The following EYS variants were observed in gnomAD, a reference collection of about 807,000 sequenced individuals.
EYS encodes EGF-like photoreceptor maintenance factor, also known as protein eyes shut homolog.
In EYS, 250 loss-of-function variants were observed where a neutral mutation model predicts 282.1. The observed-to-expected ratio is 0.89, with a 90% CI of 0.80 to 0.98. The LOEUF (loss-of-function observed/expected upper bound fraction) is 0.98. Among genes scored for constraint, EYS ranks in the 50% least tolerant of loss-of-function variants. EYS has a pLI of 0.00. For missense variants in EYS, 4,016 were observed against 3,709.0 expected, an observed-to-expected ratio of 1.08 and a Z score of -2.15; for synonymous variants, 1,355 against 1,282.9, an observed-to-expected ratio of 1.06 and a Z score of -1.20.
chr6:64,999,533 GACGGC>G (rs925455823), intron 13 of EYS, among the ~76,000 whole-genome samples: 5 of 152,162 alleles, frequency 3.3e-5, no homozygotes, highest in African/African-American at 1.2e-4. Flanking sequence ...TCTACGTGAG[GACGGC>G]ACTCCTGCCT....
chr6:64,036,643 T>A (rs1426635319), intron 33 of EYS, among the ~76,000 whole-genome samples: 1 of 152,120 alleles, frequency 6.6e-6, no homozygotes, highest in East Asian at 1.9e-4. Context: ...AAAAGGATAG[T>A]TTGAGTTACT....
chr6:64,800,100 C>T (rs546408078), intron 22 of EYS, among the ~76,000 whole-genome samples: 31 of 152,018 alleles, frequency 2.0e-4, no homozygotes, highest in Non-Finnish European at 3.2e-4. Context: ...AAAGAGAAAT[C>T]AAAATCATGC....
At chr6:64,330,941 T>C (rs944507985) in intron 29 of EYS, among the ~76,000 whole-genome samples, 2 of 152,116 alleles carry the variant, frequency 1.3e-5, no homozygotes, top group Non-Finnish European at 2.9e-5. Flanking sequence ...AAACAGTGGA[T>C]GAGGTTTTCT....
At chr6:64,165,756 C>T (rs549199445) in intron 31 of EYS, among the ~76,000 whole-genome samples, 1 of 152,248 alleles carries the variant, frequency 6.6e-6, no homozygotes, top group East Asian at 1.9e-4. Context: ...TCATGGACTT[C>T]CATAAGGCTT....
rs988303785 is a variant in EYS, at chr6:65,581,753, C to A, written c.-333+58025G>T. ...AGTCCCATTAGTAAATAATGAAAAT[C>A]ATTTATAAAAATGACAAATAAATAT... On this transcript the variant is annotated intron_variant, in intron 2 of 42. Coordinates refer to ENST00000503581, the MANE Select transcript of EYS (RefSeq NM_001142800.2). Among the ~76,000 whole-genome samples the A allele has an allele frequency of 2.0e-5, 3 of 152,026 alleles. No homozygotes were observed. In the South Asian group the frequency reaches 6.2e-4, roughly 32 times the overall value.
chr6:64,614,529 CAAT>C (rs2149846984), intron 24 of EYS, among the ~76,000 whole-genome samples: 1 of 152,162 alleles, frequency 6.6e-6, no homozygotes, highest in African/African-American at 2.4e-5. Flanking sequence ...ACAACCTTAA[CAAT>C]GATGACCAAA....
chr6:64,295,661 G>A (rs938898161), intron 30 of EYS, among the ~76,000 whole-genome samples: 3 of 148,026 alleles, frequency 2.0e-5, no homozygotes, highest in African/African-American at 5.0e-5. Flanking sequence ...CCGAGAAGGC[G>A]GAGCTTGCAG....
At chr6:63,926,420 T>A (rs1764717137) in intron 35 of EYS, among the ~76,000 whole-genome samples, 1 of 152,228 alleles carries the variant, frequency 6.6e-6, no homozygotes, top group African/African-American at 2.4e-5. Flanking sequence ...AAGTTAAACA[T>A]TAATACCACT....
intron 5 of EYS, among the ~76,000 whole-genome samples, chr6:65,441,655 G>A (rs1768333291): frequency 6.6e-6 from 1 of 151,980 alleles, no homozygotes; most frequent in African/African-American, 2.4e-5. Context: ...ATTTAAATGT[G>A]CTAAGGAAAT....
chr6:65,616,598 C>T (rs978554024), intron 2 of EYS, among the ~76,000 whole-genome samples: 2 of 151,900 alleles, frequency 1.3e-5, no homozygotes, highest in Non-Finnish European at 2.9e-5. Context: ...CCATCCTGGC[C>T]AAAATGGTGA....
intron 26 of EYS, among the ~76,000 whole-genome samples, chr6:64,589,678 C>A (rs541634235): frequency 6.6e-6 from 1 of 151,962 alleles, no homozygotes; most frequent in South Asian, 2.1e-4. Flanking sequence ...TTGCATAGTG[C>A]TTTTGTTAAA....
At chr6:65,122,875 C>G (rs1039468059) in intron 12 of EYS, among the ~76,000 whole-genome samples, 1 of 151,968 alleles carries the variant, frequency 6.6e-6, no homozygotes, top group Non-Finnish European at 1.5e-5. Flanking sequence ...TGCAACAACA[C>G]GTTGAGTTCA....
intron 22 of EYS, among the ~76,000 whole-genome samples, chr6:64,671,720 T>C (rs1769467782): frequency 6.6e-6 from 1 of 152,080 alleles, no homozygotes; most frequent in South Asian, 2.1e-4. Flanking sequence ...TTGTGTATTA[T>C]AATAGAATTT....
intron 32 of EYS, among the ~76,000 whole-genome samples, chr6:64,070,781 A>G (rs1771544015): frequency 6.6e-6 from 1 of 152,062 alleles, no homozygotes; most frequent in Non-Finnish European, 1.5e-5. Flanking sequence ...CATTTTTTTA[A>G]GTGTCCATTT....
intron 22 of EYS, among the ~76,000 whole-genome samples, chr6:64,809,230 A>G (rs1764523255): frequency 6.6e-6 from 1 of 152,150 alleles, no homozygotes; most frequent in Non-Finnish European, 1.5e-5. Context: ...CACTGAGTCA[A>G]CTTAATTCTG....
At chr6:64,841,968 C>A (rs1765576581) in intron 19 of EYS, among the ~76,000 whole-genome samples, 1 of 151,932 alleles carries the variant, frequency 6.6e-6, no homozygotes, top group Non-Finnish European at 1.5e-5. Flanking sequence ...GTCAATAAGC[C>A]CAATTTCTTC....
chr6:64,686,196 A>C (rs1770093907), intron 22 of EYS, among the ~76,000 whole-genome samples: 1 of 152,012 alleles, frequency 6.6e-6, no homozygotes, highest in South Asian at 2.1e-4. Context: ...TTTAAAGTTA[A>C]TGACCTAAAT....
intron 22 of EYS, among the ~76,000 whole-genome samples, chr6:64,676,588 G>C (rs1769693820): frequency 6.6e-6 from 1 of 151,908 alleles, no homozygotes; most frequent in Non-Finnish European, 1.5e-5. Flanking sequence ...TTAACATTTT[G>C]CCATACATTT....
At chr6:64,593,522 T>C (rs936387120) in intron 24 of EYS, among the ~76,000 whole-genome samples, 1 of 152,158 alleles carries the variant, frequency 6.6e-6, no homozygotes, top group Non-Finnish European at 1.5e-5. Flanking sequence ...CACAGTTGCA[T>C]GCCCAAATTT....
Sources: allele counts gnomAD v4.1 joint callset (sites outside exome capture counted in the v4.1 genomes callset), GRCh38; gene constraint gnomAD v4.1.1; transcripts MANE v1.5; gene names NCBI Gene and HGNC (gene_info 2026-07-23, HGNC 2026-07-21).